Variants in PEAK1 observed in about 807,000 individuals in gnomAD.
The protein encoded by PEAK1 is pseudopodium enriched atypical kinase 1, also known as inactive tyrosine-protein kinase PEAK1.
In PEAK1, 54 loss-of-function variants were observed where a neutral mutation model predicts 124.7. That is an observed-to-expected ratio of 0.43 (90% confidence interval 0.35 to 0.54). The LOEUF (loss-of-function observed/expected upper bound fraction) is 0.54. Ranked by LOEUF, PEAK1 falls within the 20% of genes least tolerant of loss-of-function variation. The probability of loss-of-function intolerance (pLI) is 0.01; values close to 1 mark genes in which losing one functional copy is unlikely to be tolerated. For synonymous variants in PEAK1, 719 were observed against 760.0 expected (o/e 0.95, Z 0.89); for missense variants, 2,046 against 2,134.5 (o/e 0.96, Z 0.82).
intron 6 of PEAK1, among the ~76,000 whole-genome samples, chr15:77,200,305 A>T (rs995504773): frequency 3.3e-5 from 5 of 152,158 alleles, no homozygotes; most frequent in African/African-American, 7.2e-5. Flanking sequence ...TAGAATACAA[A>T]ATAAGTGTTA....
chr15:77,260,329 C>CA (rs1193581452), intron 5 of PEAK1, among the ~76,000 whole-genome samples: 1 of 151,950 alleles, frequency 6.6e-6, no homozygotes, highest in East Asian at 1.9e-4. Context: ...ATTAAGGACT[C>CA]AAATATTTAA....
intron 9 of PEAK1, among the ~76,000 whole-genome samples, chr15:77,119,029 G>A (rs534644177): frequency 4.6e-5 from 7 of 152,224 alleles, no homozygotes; most frequent in Non-Finnish European, 1.0e-4. Context: ...AAACTGTGCA[G>A]CAGGAGAACA....
intron 8 of PEAK1, among the ~76,000 whole-genome samples, chr15:77,139,837 C>T (rs1447415257): frequency 3.3e-5 from 5 of 151,412 alleles, no homozygotes; most frequent in Non-Finnish European, 7.4e-5. Context: ...TAAATTGTGT[C>T]TATATGTATA....
At chr15:77,332,492 C>T (rs554594611) in intron 2 of PEAK1, among the ~76,000 whole-genome samples, 1 of 151,676 alleles carries the variant, frequency 6.6e-6, no homozygotes, top group East Asian at 1.9e-4. Context: ...CCCAGCTACT[C>T]GGGAGGCTGA....
chr15:77,143,499 T>G (rs948487026), intron 8 of PEAK1, among the ~76,000 whole-genome samples: 1 of 152,224 alleles, frequency 6.6e-6, no homozygotes, highest in African/African-American at 2.4e-5. Context: ...GAGCCTTTCA[T>G]GATCTGGCCC....
In PEAK1 at chr15:77,337,855, A is replaced by C. The variant is rs531739218; in HGVS notation, c.-603+27308T>G. On this transcript the variant is annotated intron_variant, in intron 2 of 9. Transcript: ENST00000682557. ...ATAGAGCTAAGAAGAGCAAGGACTTAAGAAAAAAATCAATTCCCTTGTCAT... is the reference window on the plus strand; with the variant it reads ...ATAGAGCTAAGAAGAGCAAGGACTTCAGAAAAAAATCAATTCCCTTGTCAT... 458 of 985,256 alleles carry C rather than the reference A, an allele frequency of 4.6e-4. 2 individuals are homozygous for C. Among genetic ancestry groups the C allele is most frequent in the South Asian group, 1.2e-3 (25 of 21,286 alleles). The allele number at this position is 985,256 out of a possible 1,614,324, so 61.0% of individuals were successfully genotyped here. A position where few individuals can be genotyped will look rare whatever the true frequency, so the allele number is the denominator to read the frequency against.
intron 2 of PEAK1, chr15:77,335,303 T>C (rs2066130901): frequency 2.0e-6 from 2 of 985,338 alleles, no homozygotes; most frequent in African/African-American, 3.5e-5. Context: ...CTGGGTTTTC[T>C]GGCATGAGTG....
At chr15:77,223,564 A>C (rs2059487334) in intron 6 of PEAK1, among the ~76,000 whole-genome samples, 1 of 152,044 alleles carries the variant, frequency 6.6e-6, no homozygotes, top group Non-Finnish European at 1.5e-5. Flanking sequence ...GCTAGTGGAA[A>C]GGAGTTATGG....
chr15:77,378,240 T>G (rs1044800893), intron 1 of PEAK1, among the ~76,000 whole-genome samples: 3 of 150,166 alleles, frequency 2.0e-5, no homozygotes, highest in African/African-American at 7.3e-5. Flanking sequence ...CAAGCAAGCA[T>G]TTTGTAATTC....
At chr15:77,289,230 T>C (rs974262306) in intron 2 of PEAK1, among the ~76,000 whole-genome samples, 2 of 152,222 alleles carry the variant, frequency 1.3e-5, no homozygotes, top group Non-Finnish European at 2.9e-5. Context: ...TGCATCCTTA[T>C]AGGTTTAAGA....
At chr15:77,221,835 G>C (rs762988144) in intron 6 of PEAK1, among the ~76,000 whole-genome samples, 1 of 152,116 alleles carries the variant, frequency 6.6e-6, no homozygotes, top group Non-Finnish European at 1.5e-5. Flanking sequence ...CAAAGGCTCT[G>C]CCTGAAAAGA....
At chr15:77,349,063 G>A (rs1026689665) in intron 2 of PEAK1, 50 of 825,052 alleles carry the variant, frequency 6.1e-5, no homozygotes, top group East Asian at 1.2e-4. Context: ...TTTTTGAGGC[G>A]GAGTCTCACT....
chr15:77,419,623 G>A, intron 1 of PEAK1: 3 of 985,114 alleles, frequency 3.0e-6, no homozygotes, highest in Non-Finnish European at 3.6e-6. Flanking sequence ...CCCGCGTCCA[G>A]CTCCTCCAGG....
At chr15:77,101,079 T>G (rs922154634) in exon 7 of PEAK1, 1 of 152,448 alleles carries the variant, frequency 6.6e-6, no homozygotes, top group Non-Finnish European at 1.5e-5. Context: ...ACAGCTGCTT[T>G]CATCCTCACC....
In PEAK1 at chr15:77,112,621, G is replaced by A. The variant is rs1336023919; in HGVS notation, c.*1535C>T. 3 of 150,826 alleles carry A rather than the reference G, an allele frequency of 2.0e-5. No homozygotes were observed. The highest frequency in any genetic ancestry group is 7.3e-5 in the African/African-American group (3 of 40,908). The allele number at this position is 150,826 out of a possible 1,614,324, so 9.3% of individuals were successfully genotyped here. A position where few individuals can be genotyped will look rare whatever the true frequency, so the allele number is the denominator to read the frequency against. On this transcript the variant is annotated 3_prime_UTR_variant, in exon 10 of 10. Coordinates refer to ENST00000682557, the MANE Select transcript of PEAK1 (RefSeq NM_001385026.1). Reference sequence around the variant, plus strand: ...AGGTCAAAGTAAACACATACTCACAGTTTTGAATAAAACAAGCACAGGTGA... The same window carrying A: ...AGGTCAAAGTAAACACATACTCACAATTTTGAATAAAACAAGCACAGGTGA...
chr15:77,311,356 T>A (rs747346509), intron 2 of PEAK1, among the ~76,000 whole-genome samples: 4 of 152,050 alleles, frequency 2.6e-5, no homozygotes, highest in Admixed American at 2.6e-4. Context: ...GTTGAAGGAA[T>A]GTTCGGAAAT....
At chr15:77,198,153 TA>T (rs2058198172) in intron 6 of PEAK1, among the ~76,000 whole-genome samples, 1 of 152,174 alleles carries the variant, frequency 6.6e-6, no homozygotes, top group Non-Finnish European at 1.5e-5. Context: ...TATACTACTG[TA>T]ATAATTTTGT....
intron 6 of PEAK1, among the ~76,000 whole-genome samples, chr15:77,234,205 G>A (rs772041188): frequency 6.6e-6 from 1 of 152,194 alleles, no homozygotes; most frequent in Non-Finnish European, 1.5e-5. Context: ...ATGCATAAAA[G>A]TTCTTATAAT....
chr15:77,325,808 C>T (rs894439424), intron 2 of PEAK1, among the ~76,000 whole-genome samples: 1 of 152,114 alleles, frequency 6.6e-6, no homozygotes, highest in Non-Finnish European at 1.5e-5. Flanking sequence ...ATGCCTCTCC[C>T]TCTTAGTGAC....
Sources: gnomAD v4.1 joint callset for allele counts (sites outside exome capture counted in the v4.1 genomes callset) on GRCh38, gnomAD v4.1.1 for gene constraint, MANE v1.5 for transcripts, NCBI Gene and HGNC (gene_info 2026-07-23, HGNC 2026-07-21) for gene names.